The following GLG1 variants were observed in gnomAD, a reference collection of about 807,000 sequenced individuals.
GLG1 encodes Golgi apparatus protein 1.
A neutral mutation model predicts 160.5 loss-of-function variants in GLG1; 38 were observed. The observed-to-expected ratio is 0.24, with a 90% CI of 0.18 to 0.31. GLG1 has a LOEUF of 0.31. Ranked by LOEUF, GLG1 falls within the 10% of genes least tolerant of loss-of-function variation. The pLI is 1.00. For missense variants in GLG1, 1,373 were observed against 1,505.2 expected (o/e 0.91, Z 1.45); for synonymous variants, 644 against 543.4 (o/e 1.19, Z -2.57).
chr16:74,467,652 A>T, intron 18 of GLG1, 104 bp downstream of exon 18: 1 of 762,624 alleles, frequency 1.3e-6, no homozygotes, highest in Non-Finnish European at 2.2e-6. Context: ...ACCAGCAAAA[A>T]ATTCATGACT....
rs1468330377 is a variant in GLG1, at chr16:74,448,132, G to A, written c.*5035C>T. On this transcript the variant is annotated 3_prime_UTR_variant, in exon 26 of 26. Coordinates refer to ENST00000422840, the MANE Select transcript of GLG1 (RefSeq NM_001145667.2). ...CAATGACCTCACCAGATGGCTTTGGGGAGCTCTTCACCCTAAAGATTCGGT... is the reference window on the plus strand; with the variant it reads ...CAATGACCTCACCAGATGGCTTTGGAGAGCTCTTCACCCTAAAGATTCGGT... 6.6e-6 allele frequency: 1 copy of A among 152,196 alleles called. No individual in the cohort carries two copies. The highest frequency in any genetic ancestry group is 2.4e-5 in the African/African-American group (1 of 41,428). The allele number at this position is 152,196 out of a possible 1,614,324, so 9.4% of individuals were successfully genotyped here. A position where few individuals can be genotyped will look rare whatever the true frequency, so the allele number is the denominator to read the frequency against.
rs761056314 is a variant in GLG1, at chr16:74,462,568, C to T, written c.2854G>A (p.Gly952Ser). 1.9e-6 allele frequency: 3 copies of T among 1,613,222 alleles called. No individual in the cohort carries two copies. The highest frequency in any genetic ancestry group is 2.5e-6 in the Non-Finnish European group (3 of 1,179,334). Residue 952 changes from glycine to serine, a missense_variant, in exon 21 of 26, where the codon GGT becomes AGT. Gly to Ser is a moderately conservative substitution (Grantham distance 56). Transcript: ENST00000422840. ...TCATCCTTGGCCTTAGTCAGGATAC[C>T]GTGACAGAATTTAGGAATGTCAGCT... ...CKADIPKFCH[G>S]ILTKAKDDSE...
At chr16:74,535,509 T>C (rs571463024) in intron 1 of GLG1, among the ~76,000 whole-genome samples, 1 of 152,352 alleles carries the variant, frequency 6.6e-6, no homozygotes, top group Admixed American at 6.5e-5. Flanking sequence ...TATGGCTCAA[T>C]ACAGCGTCCA....
rs377704785 is a variant in GLG1, at chr16:74,480,209, A to T, written c.1827+32T>A. 3.2e-5 allele frequency: 49 copies of T among 1,538,418 alleles called. No homozygotes were observed. In the African/African-American group the frequency reaches 5.5e-4, roughly 17 times the overall value. On this transcript the variant is annotated intron_variant, in intron 11 of 25. Transcript: ENST00000422840. ...AACAATTTAAAAAACAAATGACAAGAAGAAGAAATGAAGTCGATATTCACT... is the reference window on the plus strand; with the variant it reads ...AACAATTTAAAAAACAAATGACAAGTAGAAGAAATGAAGTCGATATTCACT...
chr16:74,514,495 T>TA (rs1216848287), intron 2 of GLG1, among the ~76,000 whole-genome samples: 1 of 152,118 alleles, frequency 6.6e-6, no homozygotes, highest in Non-Finnish European at 1.5e-5. Context: ...TCAACATTCT[T>TA]AAAGAAAAGA....
intron 19 of GLG1, among the ~76,000 whole-genome samples, 162 bp from the exon 20 acceptor site, chr16:74,463,641 C>T (rs1180780127): frequency 2.0e-5 from 3 of 152,086 alleles, no homozygotes; most frequent in Admixed American, 6.6e-5. Context: ...CGAGTTCAAG[C>T]GATTCTCCTG....
chr16:74,603,728 T>A (rs1299516836), intron 1 of GLG1, among the ~76,000 whole-genome samples: 3 of 152,162 alleles, frequency 2.0e-5, no homozygotes, highest in African/African-American at 7.2e-5. Context: ...GCCTTCCTTA[T>A]CACATACTAA....
At chr16:74,492,821 A>T (rs2016049661) in intron 7 of GLG1, 136 bp downstream of exon 7, 2 of 530,932 alleles carry the variant, frequency 3.8e-6, no homozygotes, top group Non-Finnish European at 6.2e-6. Flanking sequence ...ACTCCGTCTC[A>T]AGAAAAAAAA....
rs146777426 is a variant in GLG1, at chr16:74,491,139, G to T, written c.1311C>A (p.Ser437Arg). ...CCCGACAGCTTAGGATGATCTCAGGGCTCAGAGAAAAGTCTTCCATCAACA... is the reference window on the plus strand; with the variant it reads ...CCCGACAGCTTAGGATGATCTCAGGTCTCAGAGAAAAGTCTTCCATCAACA... ...RRMLMEDFSL[S>R]PEIILSCRGE... Residue 437 changes from serine to arginine, a missense_variant, in exon 8 of 26, where the codon AGC becomes AGA. Physicochemically the swap from Ser to Arg is moderately radical, Grantham distance 110. Transcript: ENST00000422840. 6.2e-7 allele frequency: 1 copy of T among 1,613,888 alleles called. No individual in the cohort carries two copies. The highest frequency in any genetic ancestry group is 1.3e-5 in the African/African-American group (1 of 74,894).
At position 74,452,838 on chromosome 16, in the gene GLG1, C is replaced by T. The variant is rs904849529; in HGVS notation, c.*329G>A. 2.9e-6 allele frequency: 3 copies of T among 1,050,386 alleles called. No homozygotes were observed. The African/African-American group carries it at 5.0e-5, about 18-fold the overall frequency. The allele number at this position is 1,050,386 out of a possible 1,614,324, so 65.1% of individuals were successfully genotyped here. A position where few individuals can be genotyped will look rare whatever the true frequency, so the allele number is the denominator to read the frequency against. On this transcript the variant is annotated 3_prime_UTR_variant, in exon 26 of 26. Transcript: ENST00000422840. The stretch of plus-strand genomic sequence containing the variant: ...TTTTTTGGTGGTTTTCTTAAAAAAG[C>T]CTTTGAGTTGCAGGTCAGGTGAGTT...
At chr16:74,498,468 T>TATATATATATATATATATATATATATA (rs1491206560) in intron 4 of GLG1, among the ~76,000 whole-genome samples, 531 of 29,460 alleles carry the variant, frequency 0.018, 67 homozygotes, top group East Asian at 0.022. Flanking sequence ...ATATATATAT[T>TATATATATATATATATATATATATATA]ATATTTTATA....
rs1046088271 is a variant in GLG1, at chr16:74,463,501, A to C, written c.2668-22T>G. On this transcript the variant is annotated intron_variant, in intron 19 of 25. Transcript: ENST00000422840. ...ACCTCTGCAAAGAAACAGTTTGATA[A>C]AAACAGCTATCTAAACATGGCGATT... 3 of 1,612,722 alleles carry C rather than the reference A, an allele frequency of 1.9e-6. No homozygotes were observed. In the African/African-American group the frequency reaches 4.0e-5, roughly 22 times the overall value.
At position 74,470,062 on chromosome 16, in the gene GLG1, C is replaced by T; in HGVS notation, c.2241G>A (p.Lys747=). The T allele has an allele frequency of 6.3e-7, 1 of 1,599,978 alleles. No individual in the cohort carries two copies. Residue 747 remains lysine (K), a synonymous_variant, in exon 16 of 26, where the codon AAG becomes AAA. Coordinates refer to ENST00000422840, the MANE Select transcript of GLG1 (RefSeq NM_001145667.2). The part of the protein sequence containing the change: ...GVTHFQLVQM[K]DFRFSYKFKM... ...TAAACTTGTAAGAAAACCGAAAATC[C>T]TTCATCTGCACCTGAAAGGTAAAGA...
rs534602163 is a variant in GLG1, at chr16:74,523,166, T to A, written c.471+8955A>T. Among the ~76,000 whole-genome samples, 301 of 152,328 alleles carry A rather than the reference T, an allele frequency of 2.0e-3. 1 individual carries two copies. The highest frequency in any genetic ancestry group is 3.3e-3 in the Non-Finnish European group (222 of 68,036). On this transcript the variant is annotated intron_variant, in intron 2 of 25. Transcript: ENST00000422840. ...AAGAGGCACACAACCATTTAAGAAA[T>A]CTTTGCCAATCTCCAAGTCATGAAG...
At chr16:74,475,213 T>C (rs748999041) in intron 12 of GLG1, among the ~76,000 whole-genome samples, 19 of 146,636 alleles carry the variant, frequency 1.3e-4, no homozygotes, top group Non-Finnish European at 2.4e-4. Flanking sequence ...AGACCAAATC[T>C]ACAAGTGCAA....
At chr16:74,512,511 C>T (rs1567494348) in intron 2 of GLG1, among the ~76,000 whole-genome samples, 1 of 152,042 alleles carries the variant, frequency 6.6e-6, no homozygotes, top group Non-Finnish European at 1.5e-5. Flanking sequence ...GATCTGCTGG[C>T]TTCCAGCCTC....
intron 2 of GLG1, among the ~76,000 whole-genome samples, chr16:74,517,601 TG>T (rs2017019207): frequency 6.6e-6 from 1 of 152,190 alleles, no homozygotes; most frequent in African/African-American, 2.4e-5. Flanking sequence ...TCATACTGAA[TG>T]GGCAAAAACT....
intron 14 of GLG1, 54 bp from the exon 15 acceptor site, chr16:74,471,340 C>T: frequency 2.0e-6 from 2 of 998,678 alleles, no homozygotes; most frequent in South Asian, 2.6e-5. Context: ...ATGAACAAAA[C>T]TTGTAGCCCA....
At chr16:74,508,528 C>G (rs1471145565) in intron 3 of GLG1, among the ~76,000 whole-genome samples, 1 of 152,168 alleles carries the variant, frequency 6.6e-6, no homozygotes, top group Non-Finnish European at 1.5e-5. Flanking sequence ...TGTAACCAGG[C>G]TGATATGCTT....
Sources: allele counts gnomAD v4.1 joint callset (sites outside exome capture counted in the v4.1 genomes callset), GRCh38; gene constraint gnomAD v4.1.1; transcripts MANE v1.5; gene names NCBI Gene and HGNC (gene_info 2026-07-23, HGNC 2026-07-21).